Variants in LRFN2 observed in about 807,000 individuals in gnomAD.
LRFN2 encodes leucine-rich repeat and fibronectin type-III domain-containing protein 2.
LRFN2 carries 18 observed loss-of-function variants against 37.3 expected under a neutral mutation model. The observed-to-expected ratio is 0.48, with a 90% CI of 0.33 to 0.72. The LOEUF (loss-of-function observed/expected upper bound fraction) is 0.72, where lower values mean the gene tolerates loss of function less well. LRFN2 is among the 30% of genes least tolerant of loss of function. The pLI is 0.02. For missense variants in LRFN2, 1,006 were observed against 1,060.7 expected (o/e 0.95, Z 0.72); for synonymous variants, 556 against 466.6 (o/e 1.19, Z -2.47).
chr6:40,430,641 C>T (rs1210156369), intron 2 of LRFN2, among the ~76,000 whole-genome samples: 1 of 152,224 alleles, frequency 6.6e-6, no homozygotes, highest in East Asian at 1.9e-4. Flanking sequence ...TTATGTGATT[C>T]TATTGCAGCT....
intron 1 of LRFN2, among the ~76,000 whole-genome samples, chr6:40,442,297 C>T (rs1157275785): frequency 2.0e-5 from 3 of 152,222 alleles, no homozygotes; most frequent in East Asian, 3.8e-4. Context: ...TTACTCTCCT[C>T]ATTATGGTTG....
chr6:40,576,042 A>G (rs1767270906), intron 1 of LRFN2, among the ~76,000 whole-genome samples: 2 of 152,212 alleles, frequency 1.3e-5, no homozygotes, highest in African/African-American at 4.8e-5. Flanking sequence ...ATATAATGCA[A>G]GCATGACCTG....
intron 1 of LRFN2, among the ~76,000 whole-genome samples, chr6:40,513,634 C>T (rs1012306237): frequency 2.0e-5 from 3 of 152,132 alleles, no homozygotes; most frequent in Non-Finnish European, 4.4e-5. Flanking sequence ...ATTCCGGAGG[C>T]GGGCGACAGA....
chr6:40,547,261 C>T (rs946478261), intron 1 of LRFN2, among the ~76,000 whole-genome samples: 3 of 152,082 alleles, frequency 2.0e-5, no homozygotes, highest in South Asian at 4.1e-4. Flanking sequence ...CATGCCACCA[C>T]ACCTGGCTAA....
At chr6:40,583,870 T>C (rs1322847088) in intron 1 of LRFN2, among the ~76,000 whole-genome samples, 1 of 152,120 alleles carries the variant, frequency 6.6e-6, no homozygotes, top group Non-Finnish European at 1.5e-5. Flanking sequence ...AAGAGAAGAC[T>C]GGGTGCTGGC....
Position 40,583,150 on chromosome 6 carries a change from C to A in LRFN2, c.-19+3791G>T, listed in dbSNP as rs142215386. On this transcript the variant is annotated intron_variant, in intron 1 of 2. Transcript: ENST00000338305. ...GGGAGGCAAAAAAAGAGAACTTAAT[C>A]TTTTGATATAAAAAGTACAGATATA... is the stretch of plus-strand genomic sequence containing the variant. Among the ~76,000 whole-genome samples, 566 of 151,184 alleles carry A rather than the reference C, an allele frequency of 3.7e-3. 5 individuals carry two copies. The highest frequency in any genetic ancestry group is 0.013 in the African/African-American group (534 of 40,948).
At chr6:40,433,204 A>C in intron 1 of LRFN2, 73 bp from the exon 2 acceptor site, 1 of 1,302,096 alleles carries the variant, frequency 7.7e-7, no homozygotes, top group Non-Finnish European at 1.0e-6. Context: ...TTCCTCCCTC[A>C]CATTAACCCT....
At chr6:40,456,276 C>A (rs1007553721) in intron 1 of LRFN2, among the ~76,000 whole-genome samples, 1 of 152,124 alleles carries the variant, frequency 6.6e-6, no homozygotes, top group Non-Finnish European at 1.5e-5. Flanking sequence ...TATGCAATAA[C>A]AAAAAACTAA....
rs548194590 is a variant in LRFN2 at position 40,446,997 on chromosome 6, G to C, written c.-18-13866C>G. Among the ~76,000 whole-genome samples the C allele has an allele frequency of 3.3e-5, 5 of 150,672 alleles. No homozygotes were observed. The South Asian group carries it at 8.5e-4, about 26-fold the overall frequency. On this transcript the variant is annotated intron_variant, in intron 1 of 2. Coordinates refer to ENST00000338305, the MANE Select transcript of LRFN2 (RefSeq NM_020737.3). ...CGAGGCTGCATCTCCCCTCAGACTG[G>C]AGCTCCCTGGGATTGGGGCTGCGTC...
chr6:40,452,802 A>G lies in LRFN2; in HGVS notation c.-18-19671T>C, dbSNP rs549988934. ...AGCACACAGAGAGGAGGTCACACAAAGAGAAGGTCACACAAAGAGAGAGAG... is the reference window on the plus strand; with the variant it reads ...AGCACACAGAGAGGAGGTCACACAAGGAGAAGGTCACACAAAGAGAGAGAG... On this transcript the variant is annotated intron_variant, in intron 1 of 2. Coordinates refer to ENST00000338305, the MANE Select transcript of LRFN2 (RefSeq NM_020737.3). Among the ~76,000 whole-genome samples, 36 of 152,202 alleles carry G rather than the reference A, an allele frequency of 2.4e-4. No homozygotes were observed. The South Asian group carries it at 4.4e-3, about 18-fold the overall frequency.
Position 40,475,808 on chromosome 6 carries a change from C to T in LRFN2, c.-18-42677G>A, listed in dbSNP as rs144516258. On this transcript the variant is annotated intron_variant, in intron 1 of 2. Coordinates refer to ENST00000338305, the MANE Select transcript of LRFN2 (RefSeq NM_020737.3). ...TGTGCTGCCTGTGAGATGGGTCTAC[C>T]CTTCCCAGGTTACAGAAGAGCAAAC... Among the ~76,000 whole-genome samples the T allele has an allele frequency of 2.2e-3, 329 of 152,160 alleles. 1 individual carries two copies. The highest frequency in any genetic ancestry group is 7.3e-3 in the African/African-American group (304 of 41,478).
chr6:40,403,618 A>G (rs1333949217), intron 2 of LRFN2, among the ~76,000 whole-genome samples: 3 of 152,072 alleles, frequency 2.0e-5, no homozygotes, highest in Non-Finnish European at 4.4e-5. Context: ...CATTGCCTCA[A>G]TCCTCAGGTG....
At chr6:40,453,379 C>A (rs997020329) in intron 1 of LRFN2, among the ~76,000 whole-genome samples, 1 of 151,914 alleles carries the variant, frequency 6.6e-6, no homozygotes, top group Admixed American at 6.6e-5. Flanking sequence ...CTCTCTCTAG[C>A]TTTAAGGATC....
At chr6:40,551,029 G>A (rs1766766672) in intron 1 of LRFN2, among the ~76,000 whole-genome samples, 1 of 152,182 alleles carries the variant, frequency 6.6e-6, no homozygotes, top group African/African-American at 2.4e-5. Context: ...ATCTCCAGAT[G>A]TCGGTGTAGG....
intron 1 of LRFN2, among the ~76,000 whole-genome samples, chr6:40,459,602 C>A (rs1262166303): frequency 2.0e-5 from 3 of 152,170 alleles, no homozygotes; most frequent in Admixed American, 1.3e-4. Context: ...TCTTTCAGGG[C>A]CCAGAACAAA....
intron 1 of LRFN2, among the ~76,000 whole-genome samples, chr6:40,485,940 A>G (rs533212134): frequency 1.2e-3 from 182 of 152,366 alleles, no homozygotes; most frequent in African/African-American, 4.3e-3. Context: ...TTATCAAGCT[A>G]GTTACAACAG....
intron 1 of LRFN2, among the ~76,000 whole-genome samples, chr6:40,515,876 G>A (rs1765853371): frequency 7.8e-6 from 1 of 127,680 alleles, no homozygotes; most frequent in African/African-American, 3.1e-5. Flanking sequence ...CTGGGCAGCA[G>A]AGTGAGACTC....
chr6:40,426,656 C>T (rs1222652568), intron 2 of LRFN2, among the ~76,000 whole-genome samples: 1 of 152,132 alleles, frequency 6.6e-6, no homozygotes, highest in African/African-American at 2.4e-5. Flanking sequence ...TATATGTGTG[C>T]GTGTATGTCT....
intron 1 of LRFN2, among the ~76,000 whole-genome samples, chr6:40,489,789 C>A (rs1765044478): frequency 6.6e-6 from 1 of 152,140 alleles, no homozygotes. Context: ...AAAGAGAGGG[C>A]TGACCCACCT....
Sources: allele counts gnomAD v4.1 joint callset (sites outside exome capture counted in the v4.1 genomes callset), GRCh38; gene constraint gnomAD v4.1.1; transcripts MANE v1.5; gene names NCBI Gene and HGNC (gene_info 2026-07-23, HGNC 2026-07-21).